Variants in RBM47 observed in about 807,000 individuals in gnomAD.
RBM47 encodes RNA-binding protein 47.
Under a neutral mutation model 47.1 loss-of-function variants are expected in RBM47, and 21 were observed. The ratio of observed to expected loss-of-function variants is 0.45; its 90% CI spans 0.32 to 0.64. RBM47 has a LOEUF of 0.64. Ranked by LOEUF, RBM47 falls within the 30% of genes least tolerant of loss-of-function variation. The probability of loss-of-function intolerance (pLI) is 0.05; values close to 1 mark genes in which losing one functional copy is unlikely to be tolerated. For missense variants in RBM47, 708 were observed against 870.9 expected (o/e 0.81, Z 2.35); for synonymous variants, 375 against 361.7 (o/e 1.04, Z -0.42).
chr4:40,593,771 C>A (rs1422548213), intron 1 of RBM47, among the ~76,000 whole-genome samples: 1 of 151,796 alleles, frequency 6.6e-6, no homozygotes, highest in African/African-American at 2.4e-5. Context: ...GTAGTCCCAG[C>A]TACTCGGGAG....
At chr4:40,626,155 C>T (rs1328006615) in intron 1 of RBM47, among the ~76,000 whole-genome samples, 1 of 152,070 alleles carries the variant, frequency 6.6e-6, no homozygotes, top group East Asian at 1.9e-4. Flanking sequence ...CCTATGATGA[C>T]AAAAATGGAA....
chr4:40,500,122 CT>C (rs1266077146), intron 2 of RBM47, among the ~76,000 whole-genome samples: 1 of 152,082 alleles, frequency 6.6e-6, no homozygotes, highest in African/African-American at 2.4e-5. Flanking sequence ...CGAGACCAGC[CT>C]CGCCAACAGA....
chr4:40,530,602 A>G (rs1469695609), intron 2 of RBM47, among the ~76,000 whole-genome samples: 1 of 152,076 alleles, frequency 6.6e-6, no homozygotes, highest in Non-Finnish European at 1.5e-5. Context: ...GTCCAGCCCT[A>G]TTTTTCTTCT....
intron 2 of RBM47, among the ~76,000 whole-genome samples, chr4:40,502,440 C>A (rs188468876): frequency 5.3e-5 from 8 of 152,266 alleles, no homozygotes; most frequent in African/African-American, 1.9e-4. Context: ...GCTTCCCCAG[C>A]TAAGACAGTG....
Position 40,445,747 on chromosome 4 carries a change from A to G in RBM47, c.-31-6823T>C, listed in dbSNP as rs1577651277. ...AGTTCCCCAAGTTAAAAGCCCATAT[A>G]CCATCAGAATTTTGCTTTTAAATAT... On this transcript the variant is annotated intron_variant, in intron 3 of 6. Transcript: ENST00000295971. Among the ~76,000 whole-genome samples the G allele has an allele frequency of 2.0e-5, 3 of 152,230 alleles. No individual in the cohort carries two copies. In the East Asian group the frequency reaches 5.8e-4, roughly 29 times the overall value.
intron 1 of RBM47, among the ~76,000 whole-genome samples, chr4:40,604,826 C>T (rs1352361686): frequency 6.6e-6 from 1 of 152,164 alleles, no homozygotes; most frequent in African/African-American, 2.4e-5. Flanking sequence ...AAGCAATTCT[C>T]CTGCCTCAGC....
At chr4:40,461,001 T>C (rs1366739626) in intron 3 of RBM47, among the ~76,000 whole-genome samples, 1 of 152,100 alleles carries the variant, frequency 6.6e-6, no homozygotes, top group African/African-American at 2.4e-5. Context: ...TGGAAATTCT[T>C]ACAAATTTAA....
intron 1 of RBM47, among the ~76,000 whole-genome samples, chr4:40,586,136 A>T (rs553542504): frequency 3.3e-5 from 5 of 152,260 alleles, no homozygotes; most frequent in Admixed American, 2.0e-4. Flanking sequence ...GATAGCATAA[A>T]TCCCCCCACC....
Position 40,438,861 on chromosome 4 carries a change from G to T in RBM47, c.33C>A (p.Ser11Arg). 2 of 1,559,904 alleles carry T rather than the reference G, an allele frequency of 1.3e-6. No individual in the cohort carries two copies. The highest frequency in any genetic ancestry group is 1.7e-6 in the Non-Finnish European group (2 of 1,158,826). ...CGGAGGACCCGGCGGCCGAGTCACTGCTCATGGCTGCGGTGGAATCCTCTG... is the reference window on the plus strand; with the variant it reads ...CGGAGGACCCGGCGGCCGAGTCACTTCTCATGGCTGCGGTGGAATCCTCTG... MTAEDSTAAM[S>R]SDSAAGSSAK... Residue 11 changes from serine (S) to arginine (R), a missense_variant, in exon 4 of 7, where the codon AGC becomes AGA. Coordinates refer to ENST00000295971, the MANE Select transcript of RBM47 (RefSeq NM_001098634.2).
chr4:40,457,358 G>A (rs1255191437), intron 3 of RBM47, among the ~76,000 whole-genome samples: 1 of 146,378 alleles, frequency 6.8e-6, no homozygotes, highest in African/African-American at 2.5e-5. Flanking sequence ...AGGAGGCAGA[G>A]ATTGCAGTGA....
In RBM47 at chr4:40,540,356, C is replaced by G. The variant is rs894639700; in HGVS notation, c.-155+4066G>C. ...GTTAAAATTCTTTGTTAAAAATAAA[C>G]AGGCTGGGCACAGTGGCTCACCCCT... is the stretch of plus-strand genomic sequence containing the variant. On this transcript the variant is annotated intron_variant, in intron 2 of 6. Coordinates refer to ENST00000295971, the MANE Select transcript of RBM47 (RefSeq NM_001098634.2). Among the ~76,000 whole-genome samples the G allele has an allele frequency of 5.3e-5, 8 of 152,100 alleles. No homozygotes were observed. The South Asian group carries it at 1.7e-3, about 32-fold the overall frequency.
At chr4:40,543,945 A>T (rs912241785) in intron 2 of RBM47, 3 of 151,972 alleles carry the variant, frequency 2.0e-5, no homozygotes, top group African/African-American at 7.2e-5. Context: ...GTATTGTGTG[A>T]AAAATAGAAG....
At chr4:40,585,042 C>T (rs190436247) in intron 1 of RBM47, among the ~76,000 whole-genome samples, 1 of 152,274 alleles carries the variant, frequency 6.6e-6, no homozygotes, top group East Asian at 1.9e-4. Context: ...GAGAAAATGA[C>T]TAGGGGACAT....
intron 1 of RBM47, among the ~76,000 whole-genome samples, chr4:40,555,831 T>C (rs1452966354): frequency 6.6e-6 from 1 of 152,194 alleles, no homozygotes; most frequent in Admixed American, 6.5e-5. Flanking sequence ...GGTGGCCTTG[T>C]GCTGTCACCT....
intron 4 of RBM47, 95 bp from the exon 5 acceptor site, chr4:40,436,742 T>A: frequency 8.4e-7 from 1 of 1,192,186 alleles, no homozygotes; most frequent in Non-Finnish European, 1.2e-6. Context: ...ACTGCCCCAG[T>A]CTTAATTGCA....
chr4:40,560,281 G>C (rs1303163237), intron 1 of RBM47, among the ~76,000 whole-genome samples: 1 of 152,150 alleles, frequency 6.6e-6, no homozygotes, highest in Admixed American at 6.5e-5. Flanking sequence ...GCTGCCTAAG[G>C]TTCTGATTTT....
chr4:40,555,632 T>C (rs1730008350), intron 1 of RBM47, among the ~76,000 whole-genome samples: 1 of 152,204 alleles, frequency 6.6e-6, no homozygotes, highest in African/African-American at 2.4e-5. Flanking sequence ...CTTGCCCACA[T>C]CACACACCTA....
chr4:40,512,114 C>T (rs1457686025), intron 2 of RBM47, among the ~76,000 whole-genome samples: 1 of 151,986 alleles, frequency 6.6e-6, no homozygotes, highest in African/African-American at 2.4e-5. Flanking sequence ...AACACAGGCT[C>T]AATCTACTTT....
chr4:40,495,988 C>A (rs1381911668), intron 2 of RBM47, among the ~76,000 whole-genome samples: 1 of 152,174 alleles, frequency 6.6e-6, no homozygotes, highest in East Asian at 1.9e-4. Context: ...GCCTAATGTC[C>A]TGACAGTGTT....
Sources: allele counts gnomAD v4.1 joint callset (sites outside exome capture counted in the v4.1 genomes callset), GRCh38; gene constraint gnomAD v4.1.1; transcripts MANE v1.5; gene names NCBI Gene and HGNC (gene_info 2026-07-23, HGNC 2026-07-21).